Variants in OCIAD1 observed in about 807,000 individuals in gnomAD.
OCIAD1 encodes OCIA domain-containing protein 1.
OCIAD1 carries 29 observed loss-of-function variants against 38.9 expected under a neutral mutation model. The observed-to-expected ratio is 0.74, with a 90% CI of 0.55 to 1.02. OCIAD1 has a LOEUF of 1.02. Among genes scored for constraint, OCIAD1 ranks in the 50% least tolerant of loss-of-function variants. The probability of loss-of-function intolerance (pLI) is 0.00; values close to 1 mark genes in which losing one functional copy is unlikely to be tolerated. For synonymous variants in OCIAD1, 110 were observed against 92.0 expected (o/e 1.20, Z -1.12); for missense variants, 288 against 289.6 (o/e 0.99, Z 0.04).
chr4:48,817,214 G>A (rs986488013), intron 1 of OCIAD1, among the ~76,000 whole-genome samples: 1 of 152,196 alleles, frequency 6.6e-6, no homozygotes, highest in African/African-American at 2.4e-5. Context: ...CTAGCCAAGG[G>A]AAGCCATGAG....
chr4:48,831,632 C>A (rs1374135356), intron 1 of OCIAD1: 4 of 1,041,196 alleles, frequency 3.8e-6, no homozygotes, highest in Non-Finnish European at 5.3e-6. Flanking sequence ...CCCTGACAGT[C>A]TTCCTGGTGT....
chr4:48,855,923 G>A (rs200074410), intron 7 of OCIAD1: 22 of 151,954 alleles, frequency 1.4e-4, no homozygotes, highest in Non-Finnish European at 2.6e-4. Flanking sequence ...TTCTAAATAA[G>A]TATCACAAAA....
chr4:48,829,540 C>T (rs1777322075), upstream of OCIAD1, among the ~76,000 whole-genome samples: 1 of 152,030 alleles, frequency 6.6e-6, no homozygotes, highest in African/African-American at 2.4e-5. Flanking sequence ...TAGACCATAA[C>T]AAATACTATG....
intron 1 of OCIAD1, among the ~76,000 whole-genome samples, chr4:48,814,122 T>C (rs1239446755): frequency 2.0e-5 from 3 of 151,906 alleles, no homozygotes; most frequent in African/African-American, 7.3e-5. Context: ...TAAGTGGCAA[T>C]AGAAAAGGCA....
chr4:48,806,216 G>A (rs1253937223), intron 1 of OCIAD1, among the ~76,000 whole-genome samples: 2 of 152,106 alleles, frequency 1.3e-5, no homozygotes, highest in South Asian at 4.1e-4. Flanking sequence ...GCAGTGAGCC[G>A]AGATCACGCC....
chr4:48,832,888 G>C (rs1579049373), intron 2 of OCIAD1: 1 of 554,976 alleles, frequency 1.8e-6, no homozygotes, highest in South Asian at 2.2e-5. Flanking sequence ...ACTGGGCCCA[G>C]CACATTAGGT....
chr4:48,860,924 A>T lies in OCIAD1; in HGVS notation c.*162A>T. ...CTTCTATGGTGTTTTAAAAAAACAC[A>T]GATTTTTAGTGTTAATATTGTGTAA... On this transcript the variant is annotated 3_prime_UTR_variant, in exon 9 of 9. Transcript: ENST00000264312. 1 of 636,928 alleles carries T rather than the reference A, an allele frequency of 1.6e-6. No homozygotes were observed. Among genetic ancestry groups the T allele is most frequent in the Non-Finnish European group, 2.8e-6 (1 of 353,204 alleles). The allele number at this position is 636,928 out of a possible 1,614,324, so 39.5% of individuals were successfully genotyped here.
At chr4:48,806,938 C>A (rs1427547842) in intron 1 of OCIAD1, among the ~76,000 whole-genome samples, 1 of 151,758 alleles carries the variant, frequency 6.6e-6, no homozygotes, top group African/African-American at 2.4e-5. Flanking sequence ...GGATCTCACT[C>A]TGTTGCCCAG....
chr4:48,841,972 C>T (rs1045677359), intron 3 of OCIAD1, among the ~76,000 whole-genome samples: 17 of 152,116 alleles, frequency 1.1e-4, no homozygotes, highest in East Asian at 5.8e-4. Context: ...CGTATGATTA[C>T]GGTCAAATAT....
chr4:48,833,250 C>T (rs771509614), intron 2 of OCIAD1, 151 bp from the exon 3 acceptor site: 14 of 588,750 alleles, frequency 2.4e-5, no homozygotes, highest in Non-Finnish European at 4.2e-5. Context: ...GAAACACTGT[C>T]TCAAAAAACA....
intron 1 of OCIAD1, among the ~76,000 whole-genome samples, chr4:48,831,959 G>A (rs1777545055): frequency 6.6e-6 from 1 of 152,134 alleles, no homozygotes; most frequent in Non-Finnish European, 1.5e-5. Context: ...CTGTTGGTCT[G>A]AGTCCCAATA....
intron 8 of OCIAD1, among the ~76,000 whole-genome samples, chr4:48,858,844 A>C (rs1195588798): frequency 6.6e-6 from 1 of 152,192 alleles, no homozygotes; most frequent in Non-Finnish European, 1.5e-5. Context: ...GTTTCTTTTA[A>C]GTCTTTTTGG....
At chr4:48,836,208 A>G (rs1193046040) in intron 3 of OCIAD1, among the ~76,000 whole-genome samples, 3 of 152,216 alleles carry the variant, frequency 2.0e-5, no homozygotes, top group Non-Finnish European at 4.4e-5. Context: ...ACGATGAGAT[A>G]TAGTTGATTA....
intron 1 of OCIAD1, among the ~76,000 whole-genome samples, chr4:48,812,089 C>T (rs1331038503): frequency 1.3e-5 from 2 of 151,256 alleles, no homozygotes; most frequent in African/African-American, 2.4e-5. Flanking sequence ...TCAAGACCAG[C>T]CTGGCCAAGG....
chr4:48,859,188 A>G (rs1780378601), intron 8 of OCIAD1, among the ~76,000 whole-genome samples: 1 of 151,660 alleles, frequency 6.6e-6, no homozygotes, highest in South Asian at 2.1e-4. Context: ...TTTTATAACA[A>G]TGATAGATAA....
At chr4:48,817,836 G>T (rs550334551) in intron 1 of OCIAD1, among the ~76,000 whole-genome samples, 1 of 152,334 alleles carries the variant, frequency 6.6e-6, no homozygotes, top group Admixed American at 6.5e-5. Context: ...TGGCAAAGCA[G>T]CTGTGGCCAG....
intron 4 of OCIAD1, among the ~76,000 whole-genome samples, chr4:48,846,944 T>A (rs181366704): frequency 2.0e-4 from 31 of 152,286 alleles, no homozygotes; most frequent in African/African-American, 6.7e-4. Flanking sequence ...AATTGGTAGT[T>A]TTCAATTTTC....
In OCIAD1 at chr4:48,851,222, A is replaced by G. The variant is rs79265350; in HGVS notation, c.378-584A>G. Among the ~76,000 whole-genome samples, 502 of 152,360 alleles carry G rather than the reference A, an allele frequency of 3.3e-3. 16 individuals are homozygous for G. The East Asian group carries it at 0.084, about 25-fold the overall frequency. The stretch of plus-strand genomic sequence containing the variant: ...TGATTTAAAGTGCTTTTTCTTTCCA[A>G]GAACTTTCAAACATACTAAAATTAT... On this transcript the variant is annotated intron_variant, in intron 6 of 8. Transcript: ENST00000264312.
At chr4:48,835,766 C>T (rs893098840) in intron 3 of OCIAD1, among the ~76,000 whole-genome samples, 6 of 152,074 alleles carry the variant, frequency 3.9e-5, no homozygotes, top group African/African-American at 1.4e-4. Context: ...GCAGGAGGAT[C>T]GCCTGAGACC....
Sources: gnomAD v4.1 joint callset for allele counts (sites outside exome capture counted in the v4.1 genomes callset) on GRCh38, gnomAD v4.1.1 for gene constraint, MANE v1.5 for transcripts, NCBI Gene and HGNC (gene_info 2026-07-23, HGNC 2026-07-21) for gene names.